UBR3: variants seen among roughly 807,000 people sequenced by gnomAD.
UBR3 encodes the protein E3 ubiquitin-protein ligase UBR3.
A neutral mutation model predicts 243.2 loss-of-function variants in UBR3; 85 were observed. The ratio of observed to expected loss-of-function variants is 0.35; its 90% CI spans 0.29 to 0.42. UBR3 has a LOEUF of 0.42. Among genes scored for constraint, UBR3 ranks in the 10% least tolerant of loss-of-function variants. The pLI, the probability that UBR3 is intolerant of heterozygous loss-of-function variation, is 1.00. For synonymous variants in UBR3, 748 were observed against 799.8 expected (o/e 0.94, Z 1.09); for missense variants, 1,686 against 2,300.8 (o/e 0.73, Z 5.47).
chr2:169,913,334 T>G (rs758862953), intron 10 of UBR3, among the ~76,000 whole-genome samples: 20 of 148,222 alleles, frequency 1.3e-4, no homozygotes, highest in African/African-American at 1.5e-4. Context: ...ATCCTTTGCC[T>G]GTTTTTTTTT....
rs1008148999 is a variant in UBR3 at position 169,870,425 on chromosome 2, G to A, written c.546-1811G>A. The stretch of plus-strand genomic sequence containing the variant: ...ATTACAGGCATGAGCCACCATGTCC[G>A]GCCCATTGTGGTCCATTGATGTTAG... On this transcript the variant is annotated intron_variant, in intron 1 of 38. Coordinates refer to ENST00000272793, the MANE Select transcript of UBR3 (RefSeq NM_172070.4). Among the ~76,000 whole-genome samples the A allele has an allele frequency of 1.2e-4, 19 of 152,036 alleles. No individual in the cohort carries two copies. The South Asian group carries it at 1.5e-3, about 12-fold the overall frequency.
At chr2:169,990,053 C>A (rs73017670) in intron 25 of UBR3, among the ~76,000 whole-genome samples, 8 of 152,240 alleles carry the variant, frequency 5.3e-5, no homozygotes, top group Admixed American at 3.3e-4. Context: ...TATTTAGAGA[C>A]AAAAGTCTGG....
intron 19 of UBR3, among the ~76,000 whole-genome samples, chr2:169,935,124 A>C (rs1473293334): frequency 6.6e-6 from 1 of 152,220 alleles, no homozygotes; most frequent in Non-Finnish European, 1.5e-5. Context: ...TTATATATGA[A>C]GACATTGTGG....
intron 5 of UBR3, among the ~76,000 whole-genome samples, chr2:169,888,328 G>A (rs1227313020): frequency 6.6e-6 from 1 of 150,498 alleles, no homozygotes; most frequent in Admixed American, 6.7e-5. Context: ...TAGTGGAGAC[G>A]GGGTTTCAAC....
Position 169,923,978 on chromosome 2 carries a change from C to T in UBR3, c.1916C>T (p.Ala639Val). Residue 639 changes from alanine (A) to valine (V), a missense_variant, in exon 12 of 39, where the codon GCT becomes GTT. Ala to Val is a moderately conservative substitution (Grantham distance 64). Around this residue, in one of 8 missense-constraint regions of UBR3, gnomAD observed 346 missense variants for 585.8 expected, o/e 0.59. Transcript: ENST00000272793. Reference protein sequence around the residue: ...TFHLPLHRYYAMFLSKAVKCQ... With the variant: ...TFHLPLHRYYVMFLSKAVKCQ... ...CATCTGCCACTACATCGTTACTATG[C>T]TATGTTTTTGAGTAAGGTAAGACTG... 1 of 1,546,482 alleles carries T rather than the reference C, an allele frequency of 6.5e-7. No individual in the cohort carries two copies. Among genetic ancestry groups the T allele is most frequent in the Non-Finnish European group, 8.7e-7 (1 of 1,145,646 alleles).
intron 1 of UBR3, among the ~76,000 whole-genome samples, chr2:169,847,594 T>C (rs1464829003): frequency 1.3e-5 from 2 of 152,072 alleles, no homozygotes; most frequent in Non-Finnish European, 2.9e-5. Context: ...GAGATTTAAA[T>C]AGTAACTAAA....
At chr2:169,889,436 T>C (rs559391218) in intron 5 of UBR3, among the ~76,000 whole-genome samples, 7 of 152,350 alleles carry the variant, frequency 4.6e-5, no homozygotes, top group South Asian at 2.1e-4. Flanking sequence ...GCCTTTTCTC[T>C]CAGGTCTTGG....
chr2:169,881,856 T>C (rs1251625724), intron 5 of UBR3, among the ~76,000 whole-genome samples: 1 of 136,728 alleles, frequency 7.3e-6, no homozygotes, highest in Non-Finnish European at 1.5e-5. Flanking sequence ...CATATACGTA[T>C]ATGTGTATAT....
intron 10 of UBR3, among the ~76,000 whole-genome samples, chr2:169,912,480 A>G (rs2085291193): frequency 6.6e-6 from 1 of 152,060 alleles, no homozygotes; most frequent in Non-Finnish European, 1.5e-5. Context: ...TTTGTGTCTG[A>G]CTTCTTTCAC....
intron 24 of UBR3, among the ~76,000 whole-genome samples, chr2:169,981,258 A>G (rs535576954): frequency 1.3e-5 from 2 of 152,122 alleles, no homozygotes; most frequent in Non-Finnish European, 2.9e-5. Context: ...TGGTGTGGAA[A>G]GGGGGAAAAG....
chr2:169,929,806 A>C (rs1355225562), intron 18 of UBR3, among the ~76,000 whole-genome samples: 1 of 152,192 alleles, frequency 6.6e-6, no homozygotes, highest in Non-Finnish European at 1.5e-5. Context: ...AAAATTTTGA[A>C]GGAAGTAGCA....
At chr2:170,081,042 A>T (rs376332978) in intron 38 of UBR3, among the ~76,000 whole-genome samples, 7 of 152,160 alleles carry the variant, frequency 4.6e-5, no homozygotes, top group African/African-American at 1.7e-4. Flanking sequence ...AATAAAAATA[A>T]ATAAGCCAGG....
rs183547006 is a variant in UBR3 at position 170,043,526 on chromosome 2, G to T, written c.4660+2541G>T. ...AGAATAAATTCAGGAAATCATCAAT[G>T]TAAAAATGTATAATATTGTTAATAA... On this transcript the variant is annotated intron_variant, in intron 32 of 38. Coordinates refer to ENST00000272793, the MANE Select transcript of UBR3 (RefSeq NM_172070.4). Among the ~76,000 whole-genome samples, 11 of 152,262 alleles carry T rather than the reference G, an allele frequency of 7.2e-5. No homozygotes were observed. In the East Asian group the frequency reaches 2.1e-3, roughly 29 times the overall value.
chr2:169,890,547 A>ATATATATG, intron 5 of UBR3, among the ~76,000 whole-genome samples: 1 of 23,106 alleles, frequency 4.3e-5, no homozygotes, highest in African/African-American at 8.2e-5. Flanking sequence ...AGAGATATAT[A>ATATATATG]TATATATATA....
In UBR3 at chr2:169,949,914, A is replaced by G. The variant is rs909654533; in HGVS notation, c.3394A>G (p.Ile1132Val). ...TCCTAAATACAGTCATGGAGATGGT[A>G]TAACTGCCGTGGAAAGAATTTTACT... ...EIPKYSHGDG[I>V]TAVERILLKA... The change falls in exon 23 of 39, where the codon ATA becomes GTA. Residue 1132 changes from isoleucine to valine, a missense_variant. Around this residue, in one of 8 missense-constraint regions of UBR3, gnomAD observed 300 missense variants for 314.4 expected, o/e 0.95. Transcript: ENST00000272793. The G allele has an allele frequency of 6.2e-7, 1 of 1,613,408 alleles. No individual in the cohort carries two copies. Among genetic ancestry groups the G allele is most frequent in the Non-Finnish European group, 8.5e-7 (1 of 1,179,672 alleles).
Position 169,926,729 on chromosome 2 carries a change from C to T in UBR3, c.2189C>T (p.Ser730Leu), listed in dbSNP as rs1222169370. Residue 730 changes from serine to leucine, a missense_variant, in exon 15 of 39, where the codon TCA (serine) becomes TTA (leucine). This residue lies in a region of UBR3 where 346 missense variants were observed against 585.8 expected (regional missense o/e 0.59). Coordinates refer to ENST00000272793, the MANE Select transcript of UBR3 (RefSeq NM_172070.4). Reference protein sequence around the residue: ...ASRLDPDYFISSVFERFKVVD... With the variant: ...ASRLDPDYFILSVFERFKVVD... ...AGACTTGACCCAGATTATTTTATTT[C>T]ATCCGTCTTTGAAAGGTAGGCATAA... 12 of 1,549,780 alleles carry T rather than the reference C, an allele frequency of 7.7e-6. No individual in the cohort carries two copies. Among genetic ancestry groups the T allele is most frequent in the Non-Finnish European group, 9.6e-6 (11 of 1,146,442 alleles).
chr2:169,970,105 T>A (rs1257106833), intron 24 of UBR3, among the ~76,000 whole-genome samples: 2 of 139,740 alleles, frequency 1.4e-5, no homozygotes, highest in African/African-American at 5.4e-5. Context: ...GTGGTCATTT[T>A]CACAGTATTC....
Position 169,856,001 on chromosome 2 carries a change from G to C in UBR3, c.546-16235G>C, listed in dbSNP as rs550561131. On this transcript the variant is annotated intron_variant, in intron 1 of 38. Coordinates refer to ENST00000272793, the MANE Select transcript of UBR3 (RefSeq NM_172070.4). ...CTGCCCCCCACCTCCCAGATGGGGG[G>C]GCTGCCAGGCGGAGACGCTCCTCAC... Among the ~76,000 whole-genome samples the C allele has an allele frequency of 6.5e-3, 993 of 151,666 alleles. 3 individuals are homozygous for C. Among genetic ancestry groups the C allele is most frequent in the Non-Finnish European group, 9.0e-3 (614 of 67,860 alleles).
intron 5 of UBR3, among the ~76,000 whole-genome samples, chr2:169,887,985 A>G (rs994397639): frequency 6.6e-6 from 1 of 151,782 alleles, no homozygotes; most frequent in African/African-American, 2.4e-5. Context: ...CATGTTGGTC[A>G]GGCTGATCTC....
Sources: gnomAD v4.1 joint callset for allele counts (sites outside exome capture counted in the v4.1 genomes callset) on GRCh38, gnomAD v4.1.1 for gene constraint, gnomAD v4.1.1 regional missense constraint, MANE v1.5 for transcripts, NCBI Gene and HGNC (gene_info 2026-07-23, HGNC 2026-07-21) for gene names.